ALMS1: variants seen among roughly 807,000 people sequenced by gnomAD.
ALMS1 encodes ALMS1 centrosome and basal body associated protein, also known as centrosome-associated protein ALMS1.
ALMS1 carries 271 observed loss-of-function variants against 352.2 expected under a neutral mutation model. That is an observed-to-expected ratio of 0.77 (90% CI 0.70 to 0.85). The LOEUF (loss-of-function observed/expected upper bound fraction) is 0.85. ALMS1 is among the 40% of genes least tolerant of loss of function. ALMS1 has a pLI of 0.00. For missense variants in ALMS1, 5,445 were observed against 4,870.7 expected, an observed-to-expected ratio of 1.12 and a Z score of -3.51; for synonymous variants, 1,865 against 1,761.2, an observed-to-expected ratio of 1.06 and a Z score of -1.48.
intron 10 of ALMS1, among the ~76,000 whole-genome samples, chr2:73,514,509 A>C (rs1434856362): frequency 6.6e-6 from 1 of 152,176 alleles, no homozygotes; most frequent in Non-Finnish European, 1.5e-5. Flanking sequence ...TGAATCCCAC[A>C]GGACATTATT....
chr2:73,550,236 T>C (rs753586462), intron 12 of ALMS1, 31 bp from the exon 13 acceptor site: 2 of 1,612,562 alleles, frequency 1.2e-6, no homozygotes, highest in Admixed American at 3.3e-5. Context: ...TCGCTATTTG[T>C]GTTTTGTATT....
At position 73,452,367 on chromosome 2, in the gene ALMS1, C is replaced by T; in HGVS notation, c.5840C>T (p.Pro1947Leu). 1 of 1,613,944 alleles carries T rather than the reference C, an allele frequency of 6.2e-7. No homozygotes were observed. Among genetic ancestry groups the T allele is most frequent in the Non-Finnish European group, 8.5e-7 (1 of 1,179,966 alleles). Residue 1947 changes from proline to leucine, a missense_variant, in exon 8 of 23, where the codon CCC becomes CTC. Physicochemically the swap from Pro to Leu is moderately conservative, Grantham distance 98 (BLOSUM62 -3). Coordinates refer to ENST00000613296, the MANE Select transcript of ALMS1 (RefSeq NM_001378454.1). ...AGTTACTACTCACGTAGAGAGAAGC[C>T]CAGTGTTATCTCTCAACAGGAGTTG... ...PLSYYSRREK[P>L]SVISQQELPD...
intron 1 of ALMS1, among the ~76,000 whole-genome samples, chr2:73,403,274 T>C (rs529982996): frequency 6.6e-6 from 1 of 152,214 alleles, no homozygotes; most frequent in Non-Finnish European, 1.5e-5. Context: ...TCAGCACCAT[T>C]ATTTGAAGAG....
In ALMS1 at chr2:73,490,302, A is replaced by T; in HGVS notation, c.8343A>T (p.Gln2781His). 6.2e-7 allele frequency: 1 copy of T among 1,611,768 alleles called. No homozygotes were observed. The highest frequency in any genetic ancestry group is 8.5e-7 in the Non-Finnish European group (1 of 1,179,014). The change falls in exon 10 of 23, where the codon CAA becomes CAT. Residue 2781 changes from glutamine to histidine, a missense_variant. Physicochemically the swap from Gln to His is conservative, Grantham distance 24 (BLOSUM62 0). Transcript: ENST00000613296. ...PSSFKMHSNS[Q>H]DKEVTILAEG... ...CATTTAAAATGCATAGTAATTCACA[A>T]GATAAAGAAGTGACTATTTTAGCAG... is the stretch of plus-strand genomic sequence containing the variant.
intron 10 of ALMS1, among the ~76,000 whole-genome samples, chr2:73,517,459 G>T (rs1673584454): frequency 6.7e-6 from 1 of 150,274 alleles, no homozygotes; most frequent in African/African-American, 2.5e-5. Context: ...CATTGCCCAG[G>T]GTGACCTCTA....
intron 15 of ALMS1, among the ~76,000 whole-genome samples, chr2:73,568,830 TTA>T (rs1674856596): frequency 6.6e-6 from 1 of 152,000 alleles, no homozygotes; most frequent in South Asian, 2.1e-4. Flanking sequence ...TTTGCAAATG[TTA>T]TGAGTAAAAT....
In ALMS1 at chr2:73,485,820, G is replaced by C. The variant is rs375258348; in HGVS notation, c.7675-3814G>C. Among the ~76,000 whole-genome samples, 28 of 152,262 alleles carry C rather than the reference G, an allele frequency of 1.8e-4. 1 individual carries two copies. In the South Asian group the frequency reaches 2.9e-3, roughly 16 times the overall value. On this transcript the variant is annotated intron_variant, in intron 9 of 22. Coordinates refer to ENST00000613296, the MANE Select transcript of ALMS1 (RefSeq NM_001378454.1). ...GGTTGGAAAAGCGCAGTATTCGGGT[G>C]GGAGTGACCCGATTTTCCAGGTGCG...
intron 1 of ALMS1, among the ~76,000 whole-genome samples, chr2:73,399,365 T>G (rs1670826640): frequency 6.6e-6 from 1 of 151,944 alleles, no homozygotes; most frequent in Non-Finnish European, 1.5e-5. Context: ...TGAAAAGAAG[T>G]TTAATTGGCT....
intron 10 of ALMS1, among the ~76,000 whole-genome samples, chr2:73,499,208 T>C (rs1418889325): frequency 3.9e-5 from 6 of 152,178 alleles, no homozygotes; most frequent in African/African-American, 1.4e-4. Flanking sequence ...TTAGATTTTT[T>C]CCTATGGAAT....
chr2:73,588,285 G>C (rs948968437), intron 16 of ALMS1, among the ~76,000 whole-genome samples: 2 of 152,074 alleles, frequency 1.3e-5, no homozygotes, highest in African/African-American at 4.8e-5. Context: ...CTGCAGTCCA[G>C]GCCCTCTTCT....
chr2:73,537,409 A>T (rs1674051742), intron 12 of ALMS1, among the ~76,000 whole-genome samples: 1 of 152,168 alleles, frequency 6.6e-6, no homozygotes, highest in Non-Finnish European at 1.5e-5. Flanking sequence ...GTACAAGAAG[A>T]AAAGGGAAGG....
intron 16 of ALMS1, among the ~76,000 whole-genome samples, chr2:73,575,794 G>A (rs147709672): frequency 1.8e-4 from 28 of 152,052 alleles, no homozygotes; most frequent in African/African-American, 6.3e-4. Flanking sequence ...CAGTCACTCT[G>A]CTGACCGTGT....
At position 73,490,690 on chromosome 2, in the gene ALMS1, C is replaced by G. The variant is rs1191447742; in HGVS notation, c.8731C>G (p.Gln2911Glu). 1 of 1,614,090 alleles carries G rather than the reference C, an allele frequency of 6.2e-7. No homozygotes were observed. The highest frequency in any genetic ancestry group is 1.7e-5 in the Admixed American group (1 of 60,020). Reference sequence around the variant, plus strand: ...ACACCATTCTCCCTCTCCTCAACATCAGGATTATGTAGCTCCAGACCTTCC... The same window carrying G: ...ACACCATTCTCCCTCTCCTCAACATGAGGATTATGTAGCTCCAGACCTTCC... ...RKHHSPSPQH[Q>E]DYVAPDLPSC... Residue 2911 changes from glutamine (Q) to glutamate (E), a missense_variant, in exon 10 of 23, where the codon CAG becomes GAG. Gln to Glu is a conservative substitution (Grantham distance 29). Coordinates refer to ENST00000613296, the MANE Select transcript of ALMS1 (RefSeq NM_001378454.1).
chr2:73,458,935 A>G (rs1299946602), intron 9 of ALMS1: 4 of 152,216 alleles, frequency 2.6e-5, no homozygotes, highest in East Asian at 1.9e-4. Flanking sequence ...TACTATTTCT[A>G]TAATGTACAA....
rs2103781864 is a variant in ALMS1 at position 73,450,737 on chromosome 2, G to T, written c.4210G>T (p.Glu1404Ter). Residue 1404 changes from glutamate (E) to a stop codon, truncating the protein, a stop_gained, in exon 8 of 23, where the codon GAG (glutamate) becomes TAG (stop). Coordinates refer to ENST00000613296, the MANE Select transcript of ALMS1 (RefSeq NM_001378454.1). LOFTEE classifies it high-confidence loss of function. ...QSLPGSHLTE[E>*]AKNVSAVPGP... is the part of the protein sequence containing the mutation. ...GTTGCCAGGTAGTCATCTAACTGAA[G>T]AGGCTAAGAACGTTTCAGCGGTTCC... The T allele has an allele frequency of 1.9e-6, 3 of 1,612,976 alleles. No individual in the cohort carries two copies. Among genetic ancestry groups the T allele is most frequent in the Non-Finnish European group, 2.5e-6 (3 of 1,179,614 alleles).
chr2:73,448,528 A>G lies in ALMS1; in HGVS notation c.2001A>G (p.Thr667=). The stretch of plus-strand genomic sequence containing the variant: ...CGGGAATACCTACAGTATCCTCTAC[A>G]TCCCACTCACATGTAGAGGACCTCC... The part of the protein sequence containing the change: ...QKTGIPTVSS[T]SHSHVEDLLF... Residue 667 remains threonine, a synonymous_variant, in exon 8 of 23, where the codon ACA becomes ACG. Transcript: ENST00000613296. 1 of 1,613,802 alleles carries G rather than the reference A, an allele frequency of 6.2e-7. No individual in the cohort carries two copies. Among genetic ancestry groups the G allele is most frequent in the East Asian group, 2.2e-5 (1 of 44,842 alleles).
intron 12 of ALMS1, among the ~76,000 whole-genome samples, chr2:73,537,241 G>A (rs1674047806): frequency 6.6e-6 from 1 of 152,222 alleles, no homozygotes; most frequent in South Asian, 2.1e-4. Context: ...TAACTGGAAA[G>A]CTTAAAAGTA....
chr2:73,497,109 ACTTTC>A (rs767945515), intron 10 of ALMS1, among the ~76,000 whole-genome samples: 97 of 152,280 alleles, frequency 6.4e-4, no homozygotes, highest in Admixed American at 4.4e-3. Flanking sequence ...GGTTGGCAAT[ACTTTC>A]CTTTCAGCAC....
At chr2:73,599,311 T>C in intron 16 of ALMS1, 90 bp from the exon 17 acceptor site, 1 of 1,530,854 alleles carries the variant, frequency 6.5e-7, no homozygotes, top group East Asian at 2.3e-5. Context: ...TGAATTGGAT[T>C]AGAAAGAGGA....
Sources: gnomAD v4.1 joint callset for allele counts (sites outside exome capture counted in the v4.1 genomes callset) on GRCh38, gnomAD v4.1.1 for gene constraint, MANE v1.5 for transcripts, NCBI Gene and HGNC (gene_info 2026-07-23, HGNC 2026-07-21) for gene names.